NPNT: variants seen among roughly 807,000 people sequenced by gnomAD.
NPNT encodes the protein nephronectin, also known as preosteoblast EGF-like repeat protein with MAM domain.
A neutral mutation model predicts 68.6 loss-of-function variants in NPNT; 45 were observed. The ratio of observed to expected loss-of-function variants is 0.66; its 90% confidence interval spans 0.52 to 0.84. The LOEUF (loss-of-function observed/expected upper bound fraction) is 0.84. Among genes scored for constraint, NPNT ranks in the 40% least tolerant of loss-of-function variants. The pLI is 0.00. For synonymous variants in NPNT, 233 were observed against 253.3 expected, an observed-to-expected ratio of 0.92 and a Z score of 0.76; for missense variants, 672 against 714.8, an observed-to-expected ratio of 0.94 and a Z score of 0.68.
intron 10 of NPNT, among the ~76,000 whole-genome samples, chr4:105,964,187 G>A (rs1936534751): frequency 6.6e-6 from 1 of 152,154 alleles, no homozygotes; most frequent in Non-Finnish European, 1.5e-5. Flanking sequence ...AGCCATTGTG[G>A]CTGAAGCATG....
intron 10 of NPNT, 54 bp from the exon 11 acceptor site, chr4:105,967,134 T>G: frequency 1.3e-6 from 2 of 1,540,746 alleles, no homozygotes; most frequent in Non-Finnish European, 1.8e-6. Context: ...CCATGCTGCT[T>G]GTTCTAGAAA....
chr4:105,899,179 G>T (rs368189702), intron 2 of NPNT, among the ~76,000 whole-genome samples: 9 of 152,298 alleles, frequency 5.9e-5, no homozygotes, highest in African/African-American at 1.9e-4. Context: ...GTCACAGATT[G>T]ACTCTAATTG....
intron 8 of NPNT, among the ~76,000 whole-genome samples, chr4:105,956,146 T>C (rs1315094630): frequency 9.2e-6 from 1 of 109,210 alleles, no homozygotes; most frequent in Non-Finnish European, 2.2e-5. Context: ...TGTTGCCATC[T>C]TCTAACTGTA....
At chr4:105,932,572 C>T in intron 3 of NPNT, 1 of 1,332,058 alleles carries the variant, frequency 7.5e-7, no homozygotes, top group Non-Finnish European at 1.0e-6. Context: ...AAATTGACAT[C>T]AGTTCAAAGT....
At chr4:105,914,420 AATAT>A (rs534318619) in intron 2 of NPNT, among the ~76,000 whole-genome samples, 1 of 137,782 alleles carries the variant, frequency 7.3e-6, no homozygotes. Context: ...TATATATTAT[AATAT>A]ATATATTATA....
intron 8 of NPNT, among the ~76,000 whole-genome samples, chr4:105,954,482 G>A (rs1731065729): frequency 6.6e-6 from 1 of 152,160 alleles, no homozygotes; most frequent in South Asian, 2.1e-4. Flanking sequence ...GCTACTACCA[G>A]AATGGTCATT....
chr4:105,958,879 T>C (rs1731454948), intron 9 of NPNT, 149 bp from the exon 10 acceptor site: 9 of 609,768 alleles, frequency 1.5e-5, no homozygotes, highest in East Asian at 2.7e-5. Context: ...AAAAGATTAA[T>C]GTAATTTCCC....
intron 2 of NPNT, among the ~76,000 whole-genome samples, chr4:105,901,109 T>C (rs1726382653): frequency 1.3e-5 from 2 of 152,334 alleles, no homozygotes; most frequent in South Asian, 4.1e-4. Context: ...TTTGATGGCA[T>C]ATTTTAATTA....
intron 2 of NPNT, among the ~76,000 whole-genome samples, chr4:105,924,488 G>A (rs568878788): frequency 6.6e-6 from 1 of 152,240 alleles, no homozygotes; most frequent in South Asian, 2.1e-4. Flanking sequence ...CTAATCTAAG[G>A]GTTCCTGGTT....
chr4:105,904,500 C>T (rs1479401014), intron 2 of NPNT, among the ~76,000 whole-genome samples: 3 of 152,146 alleles, frequency 2.0e-5, no homozygotes, highest in Non-Finnish European at 4.4e-5. Context: ...CCATCTGCTC[C>T]CATCATCTGT....
chr4:105,938,234 A>T, intron 4 of NPNT, 67 bp from the exon 5 acceptor site: 2 of 1,532,828 alleles, frequency 1.3e-6, no homozygotes, highest in Non-Finnish European at 1.8e-6. Flanking sequence ...AAGTGAAAAA[A>T]CATAGCTATT....
intron 8 of NPNT, among the ~76,000 whole-genome samples, chr4:105,956,886 G>T (rs4643812): frequency 6.6e-6 from 1 of 152,020 alleles, no homozygotes; most frequent in African/African-American, 2.4e-5. Context: ...GAGGGGAAGG[G>T]ACTTCACTGT....
intron 8 of NPNT, 26 bp from the exon 9 acceptor site, chr4:105,958,445 A>AC: frequency 6.7e-7 from 1 of 1,486,412 alleles, no homozygotes; most frequent in Non-Finnish European, 9.4e-7. Context: ...ACACACACAC[A>AC]AAAACTCAAA....
At position 105,968,897 on chromosome 4, in the gene NPNT, C is replaced by T. The variant is rs762928597; in HGVS notation, c.1605C>T (p.Val535=). Residue 535 remains valine (V), a splice_region_variant and synonymous_variant, in exon 12 of 12, where the codon GTC becomes GTT. Transcript: ENST00000379987. ...TGGTGTGTGCATTCTCTCCCTAGGTCGTCTTCAAAGGTGAAAAAAGGCGTG... is the reference window on the plus strand; with the variant it reads ...TGGTGTGTGCATTCTCTCCCTAGGTTGTCTTCAAAGGTGAAAAAAGGCGTG... ...ITLRGADIKS[V]VFKGEKRRGH... 1.2e-5 allele frequency: 20 copies of T among 1,601,776 alleles called. No homozygotes were observed. The highest frequency in any genetic ancestry group is 1.7e-4 in the Middle Eastern group (1 of 6,038).
Position 105,903,824 on chromosome 4 carries a change from G to A in NPNT, c.172+5823G>A, listed in dbSNP as rs188283537. On this transcript the variant is annotated intron_variant, in intron 2 of 11. Transcript: ENST00000379987. Reference sequence around the variant, plus strand: ...TTTTGAGATAGGGTCTTGCTCTGTCGCCCAGGTTGGAGTGCAGTGGCATAA... The same window carrying A: ...TTTTGAGATAGGGTCTTGCTCTGTCACCCAGGTTGGAGTGCAGTGGCATAA... Among the ~76,000 whole-genome samples, 261 of 140,170 alleles carry A rather than the reference G, an allele frequency of 1.9e-3. 1 individual carries two copies. The highest frequency in any genetic ancestry group is 6.4e-3 in the African/African-American group (235 of 36,530). 92.0% of individuals were successfully genotyped at this position (140,170 alleles called of 152,430 possible).
chr4:105,943,582 G>A (rs900457696), intron 8 of NPNT, among the ~76,000 whole-genome samples: 1 of 152,188 alleles, frequency 6.6e-6, no homozygotes, highest in Non-Finnish European at 1.5e-5. Context: ...AGCAAGTTCT[G>A]AAGGAGGAAA....
At chr4:105,945,045 C>T (rs919928851) in intron 8 of NPNT, among the ~76,000 whole-genome samples, 1 of 152,108 alleles carries the variant, frequency 6.6e-6, no homozygotes, top group Non-Finnish European at 1.5e-5. Context: ...ATTTAGCTCA[C>T]CTCATTTCAT....
intron 10 of NPNT, 73 bp downstream of exon 10, chr4:105,959,199 A>G: frequency 1.1e-6 from 1 of 900,330 alleles, no homozygotes; most frequent in Non-Finnish European, 1.8e-6. Context: ...CACTGCTGCT[A>G]ATCAAGTCTA....
chr4:105,970,534 G>T lies in NPNT; in HGVS notation c.*1544G>T. 4.4e-6 allele frequency: 3 copies of T among 683,342 alleles called. No individual in the cohort carries two copies. The highest frequency in any genetic ancestry group is 8.1e-6 in the Non-Finnish European group (3 of 371,702). The allele number at this position is 683,342 out of a possible 1,614,324, so 42.3% of individuals were successfully genotyped here. A position where few individuals can be genotyped will look rare whatever the true frequency, so the allele number is the denominator to read the frequency against. ...GAAGGGTTGGCACAGAGAGGGTGGC[G>T]ACCAGCTGTTCTCCATATGCACTAA... On this transcript the variant is annotated 3_prime_UTR_variant, in exon 12 of 12. Transcript: ENST00000379987.
Sources: gnomAD v4.1 joint callset for allele counts (sites outside exome capture counted in the v4.1 genomes callset) on GRCh38, gnomAD v4.1.1 for gene constraint, MANE v1.5 for transcripts, NCBI Gene and HGNC (gene_info 2026-07-23, HGNC 2026-07-21) for gene names.